The following FOXP1 variants were observed in gnomAD, a reference collection of about 807,000 sequenced individuals.
FOXP1 encodes the protein forkhead box P1, also known as forkhead box protein P1.
In FOXP1, 15 loss-of-function variants were observed where a neutral mutation model predicts 98.2. That is an observed-to-expected ratio of 0.15 (90% CI 0.10 to 0.24). FOXP1 has a LOEUF of 0.24. Among genes scored for constraint, FOXP1 ranks in the 10% least tolerant of loss-of-function variants. FOXP1 has a pLI of 1.00. For missense variants in FOXP1, 633 were observed against 848.5 expected (o/e 0.75, Z 3.15); for synonymous variants, 371 against 314.5 (o/e 1.18, Z -1.90).
At chr3:71,226,669 C>G (rs1489550890) in intron 5 of FOXP1, among the ~76,000 whole-genome samples, 5 of 151,942 alleles carry the variant, frequency 3.3e-5, no homozygotes, top group Non-Finnish European at 5.9e-5. Context: ...GTCTCTTTCC[C>G]TTTCAGTTTG....
chr3:71,416,129 G>A (rs2083194542), intron 3 of FOXP1, among the ~76,000 whole-genome samples: 1 of 152,138 alleles, frequency 6.6e-6, no homozygotes, highest in Non-Finnish European at 1.5e-5. Flanking sequence ...TTGGAGCTGG[G>A]GAGAAGACAG....
At chr3:71,531,623 T>G (rs1025765142) in intron 2 of FOXP1, among the ~76,000 whole-genome samples, 1 of 152,232 alleles carries the variant, frequency 6.6e-6, no homozygotes, top group Non-Finnish European at 1.5e-5. Flanking sequence ...ATCTTTTTTT[T>G]GTTTTGCTTC....
intron 5 of FOXP1, among the ~76,000 whole-genome samples, chr3:71,274,726 T>C (rs2070724160): frequency 6.6e-6 from 1 of 152,202 alleles, no homozygotes; most frequent in African/African-American, 2.4e-5. Flanking sequence ...AGTCAGAAGC[T>C]GGAAGTAAAG....
intron 5 of FOXP1, among the ~76,000 whole-genome samples, chr3:71,283,088 C>T (rs1009476851): frequency 6.6e-6 from 1 of 152,212 alleles, no homozygotes; most frequent in Non-Finnish European, 1.5e-5. Context: ...GGGTACCCAT[C>T]TGCCTTCCAC....
At chr3:70,989,341 A>T (rs2040251861) in intron 13 of FOXP1, among the ~76,000 whole-genome samples, 1 of 152,044 alleles carries the variant, frequency 6.6e-6, no homozygotes, top group South Asian at 2.1e-4. Context: ...TCAGGGAGGA[A>T]TAAATTAAGA....
Position 71,232,877 on chromosome 3 carries a change from C to CAAAAAAAAAAAAAAAAAAAA in FOXP1, c.-11-34486_-11-34485insTTTTTTTTTTTTTTTTTTTT, listed in dbSNP as rs59404230. 2.1e-3 allele frequency among the ~76,000 whole-genome samples: 65 copies of CAAAAAAAAAAAAAAAAAAAA among 31,384 alleles called. 6 individuals carry two copies. The highest frequency in any genetic ancestry group is 5.3e-3 in the East Asian group (4 of 748). The allele number at this position is 31,384 out of a possible 152,430, so 20.6% of individuals were successfully genotyped here. A position where few individuals can be genotyped will look rare whatever the true frequency, so the allele number is the denominator to read the frequency against. ...CGTGCCACAGAGCAAAACTCTGTCT[C>CAAAAAAAAAAAAAAAAAAAA]AAAAAAAAAAAAAAAAAAAGCAAGA... On this transcript the variant is annotated intron_variant, in intron 5 of 20. Transcript: ENST00000649528.
In FOXP1 at chr3:71,408,162, T is replaced by G. The variant is rs367997329; in HGVS notation, c.-167-48918A>C. Among the ~76,000 whole-genome samples, 98 of 151,586 alleles carry G rather than the reference T, an allele frequency of 6.5e-4. 1 individual carries two copies. In the South Asian group the frequency reaches 0.019, roughly 30 times the overall value. ...TTATCAGAACCTTTCTTCAGGGGGG[T>G]TTGCAACTCGAAGACTTTTAATTTG... On this transcript the variant is annotated intron_variant, in intron 3 of 20. Transcript: ENST00000649528.
At chr3:71,564,327 C>T (rs1179783441) in intron 2 of FOXP1, among the ~76,000 whole-genome samples, 2 of 152,188 alleles carry the variant, frequency 1.3e-5, no homozygotes, top group East Asian at 3.8e-4. Context: ...TAGTAATAAT[C>T]AGAAAAGCTA....
chr3:71,451,668 A>T (rs1196684460), intron 3 of FOXP1, among the ~76,000 whole-genome samples: 2 of 152,240 alleles, frequency 1.3e-5, no homozygotes, highest in African/African-American at 2.4e-5. Context: ...CGATAGGCTA[A>T]CATCAGGCAG....
intron 3 of FOXP1, among the ~76,000 whole-genome samples, chr3:71,434,691 G>C (rs1335910036): frequency 1.3e-5 from 2 of 150,996 alleles, no homozygotes; most frequent in Non-Finnish European, 3.0e-5. Flanking sequence ...GGGAGGTGAG[G>C]AGTTAGACTT....
At chr3:70,969,508 G>A (rs904171403) in intron 19 of FOXP1, 2 of 152,114 alleles carry the variant, frequency 1.3e-5, no homozygotes, top group South Asian at 2.1e-4. Flanking sequence ...GTACAGAGTC[G>A]TGCTCCATAA....
At chr3:71,012,050 T>C (rs1428721827) in intron 12 of FOXP1, among the ~76,000 whole-genome samples, 1 of 152,192 alleles carries the variant, frequency 6.6e-6, no homozygotes, top group Non-Finnish European at 1.5e-5. Context: ...AGTTAGCCAT[T>C]AACAAAATGT....
intron 2 of FOXP1, chr3:71,542,170 C>A (rs2044892729): frequency 2.4e-6 from 1 of 409,250 alleles, no homozygotes; most frequent in South Asian, 1.8e-5. Flanking sequence ...GTGAAAAAAA[C>A]AACACCCTTA....
intron 6 of FOXP1, among the ~76,000 whole-genome samples, chr3:71,190,133 C>A (rs535624635): frequency 5.3e-5 from 8 of 152,280 alleles, no homozygotes; most frequent in African/African-American, 1.9e-4. Flanking sequence ...CTACTTAGAA[C>A]CCTCCCATAA....
chr3:71,120,273 C>G (rs1003460092), intron 6 of FOXP1, among the ~76,000 whole-genome samples: 7 of 152,114 alleles, frequency 4.6e-5, no homozygotes, highest in African/African-American at 9.7e-5. Context: ...TTGACTCAAC[C>G]CCAAAAGCAG....
At chr3:71,112,752 TG>T in intron 6 of FOXP1, 115 bp from the exon 7 acceptor site, 4 of 756,248 alleles carry the variant, frequency 5.3e-6, no homozygotes, top group Non-Finnish European at 9.3e-6. Flanking sequence ...TCCTATTTCC[TG>T]GCAAATGAAA....
chr3:71,580,403 G>GA (rs11385181), intron 2 of FOXP1, among the ~76,000 whole-genome samples: 85,089 of 151,502 alleles, frequency 0.56, 25,086 homozygotes, highest in Non-Finnish European at 0.63. Context: ...ACAGAGGGGG[G>GA]AAAAAAACAG....
At chr3:71,471,978 C>T (rs1306838178) in intron 3 of FOXP1, among the ~76,000 whole-genome samples, 1 of 152,128 alleles carries the variant, frequency 6.6e-6, no homozygotes, top group Non-Finnish European at 1.5e-5. Flanking sequence ...GTACTTCTTC[C>T]TCCAGTTTGC....
At chr3:71,025,294 T>A (rs1041277343) in intron 11 of FOXP1, among the ~76,000 whole-genome samples, 10 of 152,104 alleles carry the variant, frequency 6.6e-5, no homozygotes, top group Non-Finnish European at 1.3e-4. Flanking sequence ...TCTCGAACTT[T>A]ATTACAGATA....
Sources: allele counts gnomAD v4.1 joint callset (sites outside exome capture counted in the v4.1 genomes callset), GRCh38; gene constraint gnomAD v4.1.1; transcripts MANE v1.5; gene names NCBI Gene and HGNC (gene_info 2026-07-23, HGNC 2026-07-21).